Variants in SMYD1 observed in about 807,000 individuals in gnomAD.
The protein encoded by SMYD1 is histone-lysine N-methyltransferase SMYD1.
SMYD1 carries 49 observed loss-of-function variants against 54.0 expected under a neutral mutation model. That is an observed-to-expected ratio of 0.91 (90% CI 0.72 to 1.15). SMYD1 has a LOEUF of 1.15. Among genes scored for constraint, SMYD1 ranks in the 50% most tolerant of loss-of-function variants. SMYD1 has a pLI of 0.00. For synonymous variants in SMYD1, 269 were observed against 234.2 expected, an observed-to-expected ratio of 1.15 and a Z score of -1.36; for missense variants, 653 against 639.6, an observed-to-expected ratio of 1.02 and a Z score of -0.23.
intron 6 of SMYD1, among the ~76,000 whole-genome samples, chr2:88,102,292 T>G (rs1242891573): frequency 6.6e-6 from 1 of 152,234 alleles, no homozygotes; most frequent in Non-Finnish European, 1.5e-5. Context: ...TCTTCAAAAT[T>G]ATTATGTCCC....
In SMYD1 at chr2:88,084,271, T is replaced by A. The variant is rs1333309939; in HGVS notation, c.138-45T>A. 5 of 1,511,286 alleles carry A rather than the reference T, an allele frequency of 3.3e-6. No individual in the cohort carries two copies. The African/African-American group carries it at 6.8e-5, about 20-fold the overall frequency. 93.6% of individuals were successfully genotyped at this position (1,511,286 alleles called of 1,614,324 possible). A position where few individuals can be genotyped will look rare whatever the true frequency, so the allele number is the denominator to read the frequency against. On this transcript the variant is annotated intron_variant, in intron 1 of 9. Coordinates refer to ENST00000419482, the MANE Select transcript of SMYD1 (RefSeq NM_198274.4). The stretch of plus-strand genomic sequence containing the variant: ...GTGTCCCACTGGCTGCAGGGTGCCC[T>A]TTCCACTGTGCTCCCAATCATGTGT...
chr2:88,079,923 A>G (rs1674151669), intron 1 of SMYD1, among the ~76,000 whole-genome samples: 1 of 152,250 alleles, frequency 6.6e-6, no homozygotes, highest in Non-Finnish European at 1.5e-5. Context: ...TCCTCACCCC[A>G]AAATCCATAA....
At position 88,093,559 on chromosome 2, in the gene SMYD1, G is replaced by T. The variant is rs1427792796; in HGVS notation, c.698+4G>T. On this transcript the variant is annotated splice_donor_region_variant and intron_variant, in intron 5 of 9. Transcript: ENST00000419482. ...CCATGTTTCATACCCAGATGAGGTG[G>T]GTCAGTCCTTTCAAGCATCCCTGCT... is the stretch of plus-strand genomic sequence containing the variant. 1.2e-6 allele frequency: 2 copies of T among 1,613,898 alleles called. No homozygotes were observed. The highest frequency in any genetic ancestry group is 2.7e-5 in the African/African-American group (2 of 74,844).
At chr2:88,104,322 T>C (rs922298316) in intron 7 of SMYD1, among the ~76,000 whole-genome samples, 9 of 152,246 alleles carry the variant, frequency 5.9e-5, no homozygotes, top group African/African-American at 2.2e-4. Flanking sequence ...ACTCATTTAT[T>C]GCACATTTCT....
At chr2:88,098,700 A>T (rs756243656) in intron 6 of SMYD1, among the ~76,000 whole-genome samples, 2 of 152,238 alleles carry the variant, frequency 1.3e-5, no homozygotes, top group Non-Finnish European at 2.9e-5. Flanking sequence ...GACTCTAAAC[A>T]TCTGAGCTTG....
intron 1 of SMYD1, chr2:88,082,992 T>C (rs1260498047): frequency 6.6e-6 from 1 of 152,188 alleles, no homozygotes; most frequent in Non-Finnish European, 1.5e-5. Flanking sequence ...AGAATATTCA[T>C]GGCCAGGGAT....
At chr2:88,068,294 G>A (rs538434371) in intron 1 of SMYD1, among the ~76,000 whole-genome samples, 14 of 152,318 alleles carry the variant, frequency 9.2e-5, no homozygotes, top group African/African-American at 3.4e-4. Context: ...GAGTGGAAAG[G>A]TGGGTGTGGT....
At chr2:88,092,965 G>A (rs1234446114) in intron 4 of SMYD1, among the ~76,000 whole-genome samples, 1 of 152,184 alleles carries the variant, frequency 6.6e-6, no homozygotes, top group African/African-American at 2.4e-5. Flanking sequence ...TGGCTTTTGT[G>A]CAAGAGAAGG....
chr2:88,103,184 GA>G, intron 7 of SMYD1, 34 bp downstream of exon 7: 1 of 1,569,810 alleles, frequency 6.4e-7, no homozygotes, highest in Non-Finnish European at 8.7e-7. Context: ...GATGGGGGTA[GA>G]AAGGAGGGTG....
At chr2:88,106,851 TTTTA>T (rs757984207) in intron 8 of SMYD1, among the ~76,000 whole-genome samples, 6 of 152,174 alleles carry the variant, frequency 3.9e-5, no homozygotes, top group Non-Finnish European at 7.3e-5. Flanking sequence ...GTCTAGGAGC[TTTTA>T]TTTATTTATT....
At chr2:88,094,672 T>C (rs1309483709) in intron 5 of SMYD1, among the ~76,000 whole-genome samples, 1 of 152,180 alleles carries the variant, frequency 6.6e-6, no homozygotes, top group African/African-American at 2.4e-5. Context: ...TCTAATACCA[T>C]TGAAATAATC....
chr2:88,079,802 C>T (rs1674148201), intron 1 of SMYD1, among the ~76,000 whole-genome samples: 1 of 152,178 alleles, frequency 6.6e-6, no homozygotes, highest in Admixed American at 6.5e-5. Context: ...GCCTGGGCTA[C>T]AGAGTGTGAC....
At chr2:88,094,562 C>T (rs1182830580) in intron 5 of SMYD1, among the ~76,000 whole-genome samples, 1 of 152,150 alleles carries the variant, frequency 6.6e-6, no homozygotes, top group African/African-American at 2.4e-5. Flanking sequence ...TCTCCATTCC[C>T]CTCCCCCAAT....
intron 6 of SMYD1, among the ~76,000 whole-genome samples, chr2:88,101,654 G>A (rs1188057104): frequency 1.3e-5 from 2 of 152,230 alleles, no homozygotes; most frequent in Admixed American, 6.5e-5. Flanking sequence ...CACTCAGGCT[G>A]TAGTGCAGTG....
At chr2:88,094,336 C>T (rs989656614) in intron 5 of SMYD1, among the ~76,000 whole-genome samples, 2 of 152,214 alleles carry the variant, frequency 1.3e-5, no homozygotes, top group African/African-American at 4.8e-5. Context: ...TAAGTCTCTG[C>T]AGCTCTGGGC....
intron 1 of SMYD1, among the ~76,000 whole-genome samples, chr2:88,073,694 T>C (rs1417681987): frequency 6.6e-6 from 1 of 152,226 alleles, no homozygotes; most frequent in Non-Finnish European, 1.5e-5. Context: ...GATCATACAT[T>C]TTTCTACTAG....
chr2:88,104,072 T>C (rs998397895), intron 7 of SMYD1, among the ~76,000 whole-genome samples: 1 of 151,590 alleles, frequency 6.6e-6, no homozygotes, highest in African/African-American at 2.4e-5. Context: ...GTTCACGCCA[T>C]TCTCCTGCCT....
At chr2:88,093,874 C>T (rs1178685936) in intron 5 of SMYD1, among the ~76,000 whole-genome samples, 1 of 152,106 alleles carries the variant, frequency 6.6e-6, no homozygotes, top group Admixed American at 6.5e-5. Flanking sequence ...CTCCCTAAAC[C>T]CTGCTTACCA....
At chr2:88,071,511 G>C (rs1375868662) in intron 1 of SMYD1, among the ~76,000 whole-genome samples, 1 of 152,116 alleles carries the variant, frequency 6.6e-6, no homozygotes, top group African/African-American at 2.4e-5. Flanking sequence ...ATTCTTTCAG[G>C]CCTAGCTATT....
Sources: allele counts gnomAD v4.1 joint callset (sites outside exome capture counted in the v4.1 genomes callset), GRCh38; gene constraint gnomAD v4.1.1; transcripts MANE v1.5; gene names NCBI Gene and HGNC (gene_info 2026-07-23, HGNC 2026-07-21).